FGGY: variants seen among roughly 807,000 people sequenced by gnomAD.
FGGY encodes the protein FGGY carbohydrate kinase domain containing, also known as FGGY carbohydrate kinase domain-containing protein.
Under a neutral mutation model 71.3 loss-of-function variants are expected in FGGY, and 72 were observed. The observed-to-expected ratio is 1.01, with a 90% CI of 0.84 to 1.23. FGGY has a LOEUF of 1.23. Among genes scored for constraint, FGGY ranks in the 50% most tolerant of loss-of-function variants. FGGY has a pLI of 0.00. For synonymous variants in FGGY, 251 were observed against 250.3 expected, an observed-to-expected ratio of 1.00 and a Z score of -0.02; for missense variants, 668 against 682.3, an observed-to-expected ratio of 0.98 and a Z score of 0.23.
intron 6 of FGGY, among the ~76,000 whole-genome samples, chr1:59,474,915 A>G (rs1464366887): frequency 6.6e-6 from 1 of 151,782 alleles, no homozygotes; most frequent in Non-Finnish European, 1.5e-5. Flanking sequence ...AGCCTCAATT[A>G]GTATATTATG....
At position 59,750,779 on chromosome 1, in the gene FGGY, G is replaced by A. The variant is rs1236502503; in HGVS notation, c.1513-7152G>A. Among the ~76,000 whole-genome samples, 4 of 152,104 alleles carry A rather than the reference G, an allele frequency of 2.6e-5. No individual in the cohort carries two copies. The East Asian group carries it at 5.8e-4, about 22-fold the overall frequency. ...GGAAAGTCACATTGATATATTTTCT[G>A]TTTTTCTATGGAGGGGTCACGTGCC... On this transcript the variant is annotated intron_variant, in intron 14 of 15. Transcript: ENST00000303721.
intron 14 of FGGY, among the ~76,000 whole-genome samples, chr1:59,723,287 G>A (rs1352105078): frequency 6.6e-6 from 1 of 152,032 alleles, no homozygotes; most frequent in Non-Finnish European, 1.5e-5. Context: ...TCATCTTTTT[G>A]ATATTAAGCT....
intron 14 of FGGY, among the ~76,000 whole-genome samples, chr1:59,730,098 C>T (rs1487538318): frequency 6.6e-6 from 1 of 152,114 alleles, no homozygotes; most frequent in Non-Finnish European, 1.5e-5. Context: ...TGCTCGCTTT[C>T]CTATTAGTCC....
intron 8 of FGGY, among the ~76,000 whole-genome samples, chr1:59,591,277 A>G (rs1247341270): frequency 6.6e-6 from 1 of 152,220 alleles, no homozygotes; most frequent in Non-Finnish European, 1.5e-5. Flanking sequence ...CCACTGCTCA[A>G]TGAAATAAAA....
intron 8 of FGGY, among the ~76,000 whole-genome samples, chr1:59,601,443 A>G (rs34224723): frequency 0.094 from 14,364 of 152,250 alleles, 816 homozygotes; most frequent in South Asian, 0.3. Context: ...CAGCTTGAGC[A>G]TAGACAAAAA....
intron 5 of FGGY, among the ~76,000 whole-genome samples, chr1:59,380,220 A>G (rs2059236978): frequency 6.6e-6 from 1 of 151,480 alleles, no homozygotes; most frequent in Non-Finnish European, 1.5e-5. Flanking sequence ...GTTGATTCCA[A>G]GTCTTTGCTA....
At chr1:59,536,755 T>C (rs985743592) in intron 7 of FGGY, among the ~76,000 whole-genome samples, 5 of 152,180 alleles carry the variant, frequency 3.3e-5, no homozygotes, top group Non-Finnish European at 7.3e-5. Flanking sequence ...AAAAACCACA[T>C]GATTATCTCA....
chr1:59,652,137 G>C (rs1452313949), intron 11 of FGGY, among the ~76,000 whole-genome samples: 1 of 152,056 alleles, frequency 6.6e-6, no homozygotes, highest in Non-Finnish European at 1.5e-5. Flanking sequence ...TAGTCTGATG[G>C]GCTTCCCTTT....
intron 14 of FGGY, among the ~76,000 whole-genome samples, chr1:59,731,360 A>G (rs770859237): frequency 7.6e-4 from 115 of 152,134 alleles, no homozygotes; most frequent in Non-Finnish European, 6.2e-4. Flanking sequence ...TCAAAGGCCT[A>G]TTGTGGAAAG....
At chr1:59,671,279 A>C (rs1406184369) in intron 13 of FGGY, among the ~76,000 whole-genome samples, 14 of 152,224 alleles carry the variant, frequency 9.2e-5, no homozygotes, top group Admixed American at 6.5e-5. Flanking sequence ...GGTTAACCGG[A>C]GGGAAGTTGA....
intron 6 of FGGY, among the ~76,000 whole-genome samples, chr1:59,481,236 C>T (rs1001843889): frequency 2.0e-5 from 3 of 152,052 alleles, no homozygotes; most frequent in Non-Finnish European, 4.4e-5. Context: ...TTTCTTTCCC[C>T]TATAGAGTTC....
At chr1:59,701,753 G>A (rs1212429479) in intron 14 of FGGY, among the ~76,000 whole-genome samples, 3 of 152,050 alleles carry the variant, frequency 2.0e-5, no homozygotes, top group Non-Finnish European at 2.9e-5. Flanking sequence ...TAGTGGGCCC[G>A]AGATGGGAGA....
At chr1:59,606,820 T>G (rs1010541684) in intron 8 of FGGY, among the ~76,000 whole-genome samples, 5 of 152,204 alleles carry the variant, frequency 3.3e-5, no homozygotes, top group African/African-American at 1.2e-4. Flanking sequence ...CCTCACCTCC[T>G]GTGCCCATCC....
chr1:59,384,103 G>T (rs2059803013), intron 5 of FGGY, among the ~76,000 whole-genome samples: 1 of 152,154 alleles, frequency 6.6e-6, no homozygotes, highest in Non-Finnish European at 1.5e-5. Flanking sequence ...AAACCTTGAG[G>T]AAGCAGAAAG....
At chr1:59,729,514 T>A (rs767461604) in intron 14 of FGGY, among the ~76,000 whole-genome samples, 5 of 152,180 alleles carry the variant, frequency 3.3e-5, no homozygotes, top group Non-Finnish European at 5.9e-5. Context: ...TGTTAGAAAT[T>A]GAACTGTGTT....
chr1:59,311,831 C>G (rs1237197000), intron 1 of FGGY, among the ~76,000 whole-genome samples: 1 of 152,202 alleles, frequency 6.6e-6, no homozygotes, highest in Admixed American at 6.5e-5. Flanking sequence ...GCCTTCTACT[C>G]TTCCACAATG....
chr1:59,465,177 T>C (rs565042202), intron 6 of FGGY, among the ~76,000 whole-genome samples: 1 of 152,244 alleles, frequency 6.6e-6, no homozygotes, highest in East Asian at 1.9e-4. Context: ...ATCAAGTTGG[T>C]TTCACCCCTG....
intron 11 of FGGY, among the ~76,000 whole-genome samples, chr1:59,652,159 A>T (rs1363612334): frequency 6.6e-6 from 1 of 151,980 alleles, no homozygotes; most frequent in Admixed American, 6.6e-5. Flanking sequence ...AGGGTAACCC[A>T]ACCTTTCTCT....
chr1:59,589,692 G>C (rs528865363), intron 8 of FGGY, among the ~76,000 whole-genome samples: 2 of 152,240 alleles, frequency 1.3e-5, no homozygotes, highest in South Asian at 4.2e-4. Context: ...TGACTACTGG[G>C]TACATAATGA....
Sources: allele counts gnomAD v4.1 joint callset (sites outside exome capture counted in the v4.1 genomes callset), GRCh38; gene constraint gnomAD v4.1.1; transcripts MANE v1.5; gene names NCBI Gene and HGNC (gene_info 2026-07-23, HGNC 2026-07-21).